Variants in SEMA6D observed in about 807,000 individuals in gnomAD.
SEMA6D encodes the protein semaphorin-6D.
SEMA6D carries 35 observed loss-of-function variants against 106.6 expected under a neutral mutation model. That is an observed-to-expected ratio of 0.33 (90% CI 0.25 to 0.44). SEMA6D has a LOEUF of 0.44. SEMA6D is among the 20% of genes least tolerant of loss of function. The pLI is 1.00. For missense variants in SEMA6D, 1,185 were observed against 1,345.9 expected (o/e 0.88, Z 1.87); for synonymous variants, 499 against 487.7 (o/e 1.02, Z -0.31).
chr15:47,425,049 G>A (rs955854652), intron 2 of SEMA6D, among the ~76,000 whole-genome samples: 10 of 152,078 alleles, frequency 6.6e-5, no homozygotes, highest in African/African-American at 2.4e-4. Context: ...GGTGAGGGGT[G>A]AAACTGCACT....
intron 4 of SEMA6D, among the ~76,000 whole-genome samples, chr15:47,665,266 A>G (rs2078003520): frequency 6.6e-6 from 1 of 152,172 alleles, no homozygotes; most frequent in Admixed American, 6.5e-5. Context: ...GCAGCTTTAG[A>G]TCATTTCCTC....
intron 1 of SEMA6D, among the ~76,000 whole-genome samples, chr15:47,353,807 G>A (rs140750650): frequency 1.3e-5 from 2 of 152,186 alleles, no homozygotes; most frequent in East Asian, 3.9e-4. Flanking sequence ...CAGTGAAGCT[G>A]AATTTGTATC....
intron 1 of SEMA6D, among the ~76,000 whole-genome samples, chr15:47,356,173 C>T (rs1031787436): frequency 8.6e-5 from 13 of 151,918 alleles, no homozygotes; most frequent in African/African-American, 1.9e-4. Flanking sequence ...TTGAGAGAGT[C>T]GGAGAAAAGA....
In SEMA6D at chr15:47,581,543, G is replaced by A. The variant is rs538366394; in HGVS notation, c.-86-19322G>A. Among the ~76,000 whole-genome samples the A allele has an allele frequency of 4.5e-4, 68 of 152,342 alleles. 1 individual carries two copies. Among genetic ancestry groups the A allele is most frequent in the Admixed American group, 1.1e-3 (17 of 15,296 alleles). On this transcript the variant is annotated intron_variant, in intron 3 of 19. Transcript: ENST00000558014. ...ACACCTGAATAACAAGAAGGAGATA[G>A]CCATGCAAAAATCTAGCTAAGAGCA... is the stretch of plus-strand genomic sequence containing the variant.
chr15:47,455,406 G>A lies in SEMA6D; in HGVS notation c.-158-15068G>A, dbSNP rs891965634. 4.0e-5 allele frequency among the ~76,000 whole-genome samples: 6 copies of A among 151,766 alleles called. No homozygotes were observed. The South Asian group carries it at 1.0e-3, about 26-fold the overall frequency. On this transcript the variant is annotated intron_variant, in intron 2 of 19. Coordinates refer to the SEMA6D transcript ENST00000558014. ...AGTTTTTATTTTCACAAAATTTTTG[G>A]AAAATGAAACTACATTCATGCATTG...
chr15:47,327,029 C>T (rs775257478), intron 1 of SEMA6D, among the ~76,000 whole-genome samples: 2 of 152,152 alleles, frequency 1.3e-5, no homozygotes, highest in Non-Finnish European at 1.5e-5. Context: ...ACAGGTGAGA[C>T]TGTGCATCTT....
intron 4 of SEMA6D, among the ~76,000 whole-genome samples, chr15:47,615,247 A>G (rs1323437289): frequency 1.3e-5 from 2 of 152,242 alleles, no homozygotes; most frequent in African/African-American, 2.4e-5. Flanking sequence ...TAGCATTTAC[A>G]TTGTATTAGG....
intron 1 of SEMA6D, among the ~76,000 whole-genome samples, chr15:47,740,872 ATAGG>A (rs1258860405): frequency 4.6e-5 from 7 of 152,142 alleles, no homozygotes; most frequent in Non-Finnish European, 1.0e-4. Context: ...AACGTCAAAG[ATAGG>A]TAGGAGGAAG....
chr15:47,369,544 T>G (rs2039192698), intron 1 of SEMA6D, among the ~76,000 whole-genome samples: 1 of 152,222 alleles, frequency 6.6e-6, no homozygotes, highest in South Asian at 2.1e-4. Flanking sequence ...AAAGTAATGA[T>G]TCTTCTTTTT....
chr15:47,391,933 T>G (rs1418184783), intron 1 of SEMA6D, among the ~76,000 whole-genome samples: 4 of 152,140 alleles, frequency 2.6e-5, no homozygotes, highest in Non-Finnish European at 5.9e-5. Context: ...ATTTACTCCC[T>G]AAAATGCATC....
intron 3 of SEMA6D, among the ~76,000 whole-genome samples, chr15:47,544,533 T>TTTAAAATCATCC (rs1346910948): frequency 6.6e-6 from 1 of 152,116 alleles, no homozygotes; most frequent in African/African-American, 2.4e-5. Flanking sequence ...ATGGAAGTAT[T>TTTAAAATCATCC]AGTGCATCAG....
At position 47,755,061 on chromosome 15, in the gene SEMA6D, C is replaced by T. The variant is rs181624405; in HGVS notation, c.-54-4684C>T. 2.8e-4 allele frequency among the ~76,000 whole-genome samples: 42 copies of T among 150,838 alleles called. No homozygotes were observed. In the East Asian group the frequency reaches 7.8e-3, roughly 28 times the overall value. Reference sequence around the variant, plus strand: ...CTGCCTCCCAGGTTCAAGTAATTCTCCTGCCTCAGCCTCCTGAGTAGCTGG... The same window carrying T: ...CTGCCTCCCAGGTTCAAGTAATTCTTCTGCCTCAGCCTCCTGAGTAGCTGG... On this transcript the variant is annotated intron_variant, in intron 1 of 18. Coordinates refer to ENST00000536845, the MANE Select transcript of SEMA6D (RefSeq NM_001358351.3).
intron 1 of SEMA6D, among the ~76,000 whole-genome samples, chr15:47,251,960 G>T (rs1485189214): frequency 1.7e-5 from 2 of 118,182 alleles, no homozygotes; most frequent in Admixed American, 1.1e-4. Context: ...CTGTCGCCCA[G>T]GCTGGAGTGC....
chr15:47,285,596 A>AT (rs2035327219), intron 1 of SEMA6D, among the ~76,000 whole-genome samples: 1 of 152,148 alleles, frequency 6.6e-6, no homozygotes, highest in East Asian at 1.9e-4. Flanking sequence ...CTGCTATTGC[A>AT]TTTTTTTGAA....
At chr15:47,424,511 A>G (rs1353712875) in intron 2 of SEMA6D, among the ~76,000 whole-genome samples, 2 of 152,160 alleles carry the variant, frequency 1.3e-5, no homozygotes, top group Non-Finnish European at 2.9e-5. Flanking sequence ...ATAACTTGGA[A>G]AGTAAGTTCA....
chr15:47,426,210 G>T (rs908991085), intron 2 of SEMA6D, among the ~76,000 whole-genome samples: 3 of 151,974 alleles, frequency 2.0e-5, no homozygotes, highest in African/African-American at 7.2e-5. Context: ...TCACTATGTT[G>T]CCCAGGCTAC....
chr15:47,486,753 C>T (rs2043308153), intron 3 of SEMA6D, among the ~76,000 whole-genome samples: 1 of 152,158 alleles, frequency 6.6e-6, no homozygotes, highest in Admixed American at 6.5e-5. Context: ...AGAATTTAAA[C>T]TAAGGATTTA....
At chr15:47,642,011 C>T (rs2077497767) in intron 4 of SEMA6D, among the ~76,000 whole-genome samples, 2 of 152,302 alleles carry the variant, frequency 1.3e-5, no homozygotes, top group South Asian at 4.1e-4. Context: ...GGGCTCAGCA[C>T]AGTATCTGCC....
chr15:47,747,252 A>G (rs1193319400), intron 1 of SEMA6D, among the ~76,000 whole-genome samples: 1 of 152,058 alleles, frequency 6.6e-6, no homozygotes, highest in Admixed American at 6.6e-5. Context: ...CTTGTAGGCA[A>G]ATTGTTGCTA....
Sources: gnomAD v4.1 joint callset for allele counts (sites outside exome capture counted in the v4.1 genomes callset) on GRCh38, gnomAD v4.1.1 for gene constraint, MANE v1.5 for transcripts, NCBI Gene and HGNC (gene_info 2026-07-23, HGNC 2026-07-21) for gene names.